CFAP20DC: variants seen among roughly 807,000 people sequenced by gnomAD.
CFAP20DC encodes the protein protein CFAP20DC.
A neutral mutation model predicts 101.7 loss-of-function variants in CFAP20DC; 84 were observed. The observed-to-expected ratio is 0.83, with a 90% CI of 0.69 to 0.99. The LOEUF (loss-of-function observed/expected upper bound fraction) is 0.99. Among genes scored for constraint, CFAP20DC ranks in the 50% least tolerant of loss-of-function variants. CFAP20DC has a pLI of 0.00. For missense variants in CFAP20DC, 1,007 were observed against 970.3 expected, an observed-to-expected ratio of 1.04 and a Z score of -0.50; for synonymous variants, 359 against 351.2, an observed-to-expected ratio of 1.02 and a Z score of -0.25.
At chr3:58,921,495 AT>A (rs1446050332) in intron 5 of CFAP20DC, among the ~76,000 whole-genome samples, 2 of 152,072 alleles carry the variant, frequency 1.3e-5, no homozygotes, top group Middle Eastern at 3.4e-3. Flanking sequence ...TTTTTTTTAC[AT>A]ATAGATGACT....
At chr3:58,851,725 CT>C (rs1429671599) in intron 12 of CFAP20DC, among the ~76,000 whole-genome samples, 1 of 151,886 alleles carries the variant, frequency 6.6e-6, no homozygotes, top group Non-Finnish European at 1.5e-5. Flanking sequence ...TCGATGTACT[CT>C]TTTTTTATAT....
intron 4 of CFAP20DC, among the ~76,000 whole-genome samples, chr3:58,961,427 G>A (rs1394986197): frequency 6.6e-6 from 1 of 152,124 alleles, no homozygotes; most frequent in Non-Finnish European, 1.5e-5. Flanking sequence ...GGTGGCGGGT[G>A]TCTATAATCC....
At chr3:58,837,571 C>T (rs569798825) in intron 13 of CFAP20DC, among the ~76,000 whole-genome samples, 3 of 152,222 alleles carry the variant, frequency 2.0e-5, no homozygotes, top group Non-Finnish European at 2.9e-5. Context: ...CATCAACATA[C>T]AGGCTTATAA....
chr3:58,866,221 A>G (rs900827456), intron 11 of CFAP20DC, among the ~76,000 whole-genome samples: 1 of 152,210 alleles, frequency 6.6e-6, no homozygotes, highest in Non-Finnish European at 1.5e-5. Flanking sequence ...AGATATGTTG[A>G]TGGGCTCAAT....
rs561241288 is a variant in CFAP20DC at position 59,049,054 on chromosome 3, T to C, written c.21+557A>G. 7.9e-5 allele frequency among the ~76,000 whole-genome samples: 12 copies of C among 152,300 alleles called. 1 individual carries two copies. The South Asian group carries it at 2.3e-3, about 29-fold the overall frequency. ...AGATTCGGATTCACCAGATCTGGGA[T>C]GCGGGTCAGGAAATCTGCACGTTTA... On this transcript the variant is annotated intron_variant, in intron 1 of 16. Transcript: ENST00000482387.
At chr3:58,778,039 T>C (rs1014702486) in intron 15 of CFAP20DC, among the ~76,000 whole-genome samples, 3 of 152,212 alleles carry the variant, frequency 2.0e-5, no homozygotes, top group Non-Finnish European at 2.9e-5. Context: ...TGCATTTTCA[T>C]GTGTCCCAAG....
intron 5 of CFAP20DC, among the ~76,000 whole-genome samples, chr3:58,920,072 CTTTTTTTTTTTTTTTTT>C (rs71091396): frequency 4.3e-5 from 2 of 46,808 alleles, no homozygotes; most frequent in East Asian, 1.3e-3. Context: ...GGTGGATATT[CTTTTTTTTTTTTTTTTT>C]TTTTTTTTTG....
chr3:58,965,633 A>G (rs2108289271), intron 4 of CFAP20DC, among the ~76,000 whole-genome samples: 1 of 152,312 alleles, frequency 6.6e-6, no homozygotes, highest in African/African-American at 2.4e-5. Flanking sequence ...AGATAAAAGA[A>G]TTAAAACTTT....
At chr3:59,020,543 A>ATG (rs10576227) in intron 4 of CFAP20DC, among the ~76,000 whole-genome samples, 2,921 of 151,362 alleles carry the variant, frequency 0.019, 80 homozygotes, top group African/African-American at 0.066. Flanking sequence ...GCATGAAATA[A>ATG]TGTGTGTGTG....
At chr3:58,921,138 CT>C (rs1325303191) in intron 5 of CFAP20DC, among the ~76,000 whole-genome samples, 2 of 151,598 alleles carry the variant, frequency 1.3e-5, no homozygotes, top group Non-Finnish European at 2.9e-5. Flanking sequence ...TGTGTATGTT[CT>C]TTTTTTTCTT....
At chr3:58,766,438 C>T (rs1435136860) in intron 15 of CFAP20DC, among the ~76,000 whole-genome samples, 2 of 152,194 alleles carry the variant, frequency 1.3e-5, no homozygotes, top group East Asian at 3.8e-4. Flanking sequence ...CCACCAAGGT[C>T]TAAGCAACTA....
chr3:58,817,682 A>G (rs1458015327), intron 14 of CFAP20DC, among the ~76,000 whole-genome samples: 1 of 148,826 alleles, frequency 6.7e-6, no homozygotes, highest in Non-Finnish European at 1.5e-5. Context: ...CCTGAAAGTG[A>G]TGGGGAGAAT....
chr3:58,862,619 G>A (rs1221970097), intron 12 of CFAP20DC: 1 of 985,264 alleles, frequency 1.0e-6, no homozygotes, highest in East Asian at 1.1e-4. Context: ...CCGAAGGTTG[G>A]TGCTATGGAC....
chr3:58,758,675 C>CTA (rs2069200790), intron 15 of CFAP20DC, among the ~76,000 whole-genome samples: 1 of 152,118 alleles, frequency 6.6e-6, no homozygotes, highest in Non-Finnish European at 1.5e-5. Context: ...TCTCCTAATG[C>CTA]TATCCCTCCC....
At chr3:58,820,335 A>G (rs1284457277) in intron 14 of CFAP20DC, among the ~76,000 whole-genome samples, 1 of 150,048 alleles carries the variant, frequency 6.7e-6, no homozygotes, top group Non-Finnish European at 1.5e-5. Flanking sequence ...TTCAATTAGG[A>G]AAAGAGGAAG....
chr3:58,759,186 C>T (rs1391053196), intron 15 of CFAP20DC, among the ~76,000 whole-genome samples: 1 of 152,022 alleles, frequency 6.6e-6, no homozygotes, highest in Non-Finnish European at 1.5e-5. Flanking sequence ...TCTCCACATC[C>T]TCTCCAGCAC....
At position 59,023,951 on chromosome 3, in the gene CFAP20DC, A is replaced by T. The variant is rs562936945; in HGVS notation, c.278+15606T>A. On this transcript the variant is annotated intron_variant, in intron 4 of 16. Transcript: ENST00000482387. ...TAAACATTTTCATCCCAAAATGTAC[A>T]TAAGATTGAAAAAAGGGAGGATGAA... Among the ~76,000 whole-genome samples, 75 of 152,240 alleles carry T rather than the reference A, an allele frequency of 4.9e-4. 1 individual carries two copies. In the South Asian group the frequency reaches 7.1e-3, roughly 14 times the overall value.
At position 58,868,021 on chromosome 3, in the gene CFAP20DC, A is replaced by G. The variant is rs6790436; in HGVS notation, c.1016-85T>C. Reference sequence around the variant, plus strand: ...ACTCAGTAAATATAATTATCACTATAATGAGAATATTCATGTATAATTTTG... The same window carrying G: ...ACTCAGTAAATATAATTATCACTATGATGAGAATATTCATGTATAATTTTG... On this transcript the variant is annotated intron_variant, in intron 9 of 16. Transcript: ENST00000482387. This position sits in a 1 kb window ranked among gnomAD's most constrained non-coding sequence, Gnocchi z 4.6. 11,859 of 1,370,046 alleles carry G rather than the reference A, an allele frequency of 8.7e-3. 850 individuals are homozygous for G. The African/African-American group carries it at 0.15, about 18-fold the overall frequency. 84.9% of individuals were successfully genotyped at this position (1,370,046 alleles called of 1,614,324 possible).
chr3:58,780,308 G>C (rs969691351), intron 15 of CFAP20DC, among the ~76,000 whole-genome samples: 6 of 151,950 alleles, frequency 3.9e-5, no homozygotes, highest in Non-Finnish European at 8.8e-5. Flanking sequence ...AACAAACAAA[G>C]AAGATAAAAT....
Sources: allele counts gnomAD v4.1 joint callset (sites outside exome capture counted in the v4.1 genomes callset), GRCh38; gene constraint gnomAD v4.1.1; non-coding constraint Gnocchi (gnomAD v3.1); transcripts MANE v1.5; gene names NCBI Gene and HGNC (gene_info 2026-07-23, HGNC 2026-07-21).